The following RGPD2 variants were observed in gnomAD, a reference collection of about 807,000 sequenced individuals.
The protein encoded by RGPD2 is RANBP2 like and GRIP domain containing 2, also known as RANBP2-like and GRIP domain-containing protein 2.
RGPD2 carries 2 observed loss-of-function variants against 36.0 expected under a neutral mutation model. The ratio of observed to expected loss-of-function variants is 0.06; its 90% CI spans 0.02 to 0.17. The LOEUF (loss-of-function observed/expected upper bound fraction) is 0.17. RGPD2 is among the 10% of genes least tolerant of loss of function. RGPD2 has a pLI of 1.00. For synonymous variants in RGPD2, 19 were observed against 163.8 expected, an observed-to-expected ratio of 0.12 and a Z score of 6.75; for missense variants, 40 against 464.3, an observed-to-expected ratio of 0.09 and a Z score of 8.40.
At chr2:87,913,344 G>A in the RGPD2 span, among the ~76,000 whole-genome samples, 4 of 151,706 alleles carry the variant, frequency 2.6e-5, no homozygotes, top group Non-Finnish European at 5.9e-5. Context: ...ACTGAACAAT[G>A]AGAACACGTG....
At chr2:87,881,608 A>G in the RGPD2 span, among the ~76,000 whole-genome samples, 2 of 149,606 alleles carry the variant, frequency 1.3e-5, no homozygotes, top group African/African-American at 2.5e-5. Context: ...ATCACTATCA[A>G]TATTTTGGTC....
At chr2:87,878,950 T>C in the RGPD2 span, among the ~76,000 whole-genome samples, 1 of 152,210 alleles carries the variant, frequency 6.6e-6, no homozygotes, top group Non-Finnish European at 1.5e-5. Context: ...TTTACAATTA[T>C]ATGTAGTACT....
In RGPD2 at chr2:87,824,473, C is replaced by T. The variant is rs945313842; in HGVS notation, c.72+1185G>A. Among the ~76,000 whole-genome samples the T allele has an allele frequency of 1.9e-3, 287 of 152,072 alleles. 1 individual carries two copies. The highest frequency in any genetic ancestry group is 3.4e-3 in the Middle Eastern group (1 of 294). On this transcript the variant is annotated intron_variant, in intron 1 of 22. Coordinates refer to ENST00000398146, the MANE Select transcript of RGPD2 (RefSeq NM_001078170.3). ...GCCTCTGCCAAACTGGGGGAGAATA[C>T]TAACCTCTTTATATTCTTCACAGCC...
chr2:87,905,331 A>G, the RGPD2 span, among the ~76,000 whole-genome samples: 1 of 152,246 alleles, frequency 6.6e-6, no homozygotes, highest in African/African-American at 2.4e-5. Context: ...ACTAACTTTG[A>G]AATAGAGAAT....
At chr2:87,877,890 G>A in the RGPD2 span, among the ~76,000 whole-genome samples, 5 of 149,972 alleles carry the variant, frequency 3.3e-5, no homozygotes, top group Non-Finnish European at 5.9e-5. Flanking sequence ...TCTGCTGAGA[G>A]GTCCACTGTT....
At chr2:87,827,078 T>C (rs1244613460), upstream of RGPD2, among the ~76,000 whole-genome samples, 2 of 150,910 alleles carry the variant, frequency 1.3e-5, no homozygotes, top group Non-Finnish European at 3.0e-5. Context: ...TGTTCTCTCT[T>C]TCTCTCTCTC....
At chr2:87,976,275 AT>A in the RGPD2 span, among the ~76,000 whole-genome samples, 1 of 152,078 alleles carries the variant, frequency 6.6e-6, no homozygotes, top group African/African-American at 2.4e-5. Flanking sequence ...GGCATCTGCA[AT>A]TTTTTTAATT....
In RGPD2 at chr2:87,756,483, G is replaced by A; in HGVS notation, c.*909C>T. The A allele has an allele frequency of 3.5e-6, 1 of 283,368 alleles. No individual in the cohort carries two copies. The highest frequency in any genetic ancestry group is 4.6e-5 in the Admixed American group (1 of 21,652). The allele number at this position is 283,368 out of a possible 1,614,324, so 17.6% of individuals were successfully genotyped here. On this transcript the variant is annotated 3_prime_UTR_variant, in exon 23 of 23. Coordinates refer to ENST00000398146, the MANE Select transcript of RGPD2 (RefSeq NM_001078170.3). ...TCATTAAGTGATCTCATTTTATATT[G>A]TTTACTTGAATATTTCCTGTAACCC...
the RGPD2 span, among the ~76,000 whole-genome samples, chr2:87,915,170 TA>T: frequency 1.3e-5 from 2 of 151,152 alleles, no homozygotes; most frequent in Admixed American, 6.6e-5. Context: ...ATAAACTAAA[TA>T]AAAAGGAAAC....
At chr2:87,921,324 C>A in the RGPD2 span, among the ~76,000 whole-genome samples, 4 of 152,090 alleles carry the variant, frequency 2.6e-5, no homozygotes, top group Non-Finnish European at 5.9e-5. Context: ...TTTCTAGAGC[C>A]GGTCCCTGGA....
At chr2:87,769,347 T>C (rs1198201236) in intron 22 of RGPD2, among the ~76,000 whole-genome samples, 1 of 152,104 alleles carries the variant, frequency 6.6e-6, no homozygotes, top group Non-Finnish European at 1.5e-5. Context: ...TGTAATAAGG[T>C]CTCTTTTATG....
At chr2:87,873,164 C>T in the RGPD2 span, among the ~76,000 whole-genome samples, 7 of 151,948 alleles carry the variant, frequency 4.6e-5, no homozygotes, top group African/African-American at 1.7e-4. Context: ...CTACAAAGGA[C>T]ATAATCTCAT....
chr2:87,813,977 GT>G (rs1237145823), intron 4 of RGPD2, among the ~76,000 whole-genome samples: 1 of 151,418 alleles, frequency 6.6e-6, no homozygotes, highest in African/African-American at 2.4e-5. Context: ...TATCTAACTT[GT>G]TACACTGCAA....
Position 87,825,710 on chromosome 2 carries a change from T to C in RGPD2, c.20A>G (p.Tyr7Cys), listed in dbSNP as rs531510913. 1.9e-6 allele frequency: 3 copies of C among 1,602,384 alleles called. No homozygotes were observed. Among genetic ancestry groups the C allele is most frequent in the African/African-American group, 2.7e-5 (2 of 74,778 alleles). The change falls in exon 1 of 23, where the codon TAC becomes TGC. Residue 7 changes from tyrosine (Y) to cysteine (C), a missense_variant. By Grantham distance (194) the Tyr-to-Cys change is radical. Transcript: ENST00000398146. ...CACCGAGGCGAGGTACCGCTCCCCGTAGGCTTTGCTGCGCCTCATCGCACC... is the reference window on the plus strand; with the variant it reads ...CACCGAGGCGAGGTACCGCTCCCCGCAGGCTTTGCTGCGCCTCATCGCACC... MRRSKAYGERYLASVQG... is the reference protein window; with the variant it reads MRRSKACGERYLASVQG...
At chr2:87,877,791 T>A in the RGPD2 span, among the ~76,000 whole-genome samples, 1 of 114,448 alleles carries the variant, frequency 8.7e-6, no homozygotes, top group East Asian at 2.5e-4. Context: ...GGCAACAGAG[T>A]GAGACTCCGT....
chr2:87,825,427 C>T (rs1260255821), intron 1 of RGPD2, among the ~76,000 whole-genome samples: 81 of 112,672 alleles, frequency 7.2e-4, no homozygotes, highest in Non-Finnish European at 1.1e-3. Context: ...GCCGCCGCCG[C>T]CGCCGCCGCC....
the RGPD2 span, among the ~76,000 whole-genome samples, chr2:87,874,965 A>G: frequency 2.6e-5 from 4 of 151,836 alleles, no homozygotes; most frequent in African/African-American, 9.7e-5. Flanking sequence ...TCCTCTTCAT[A>G]GCAATTGTGA....
chr2:87,986,253 A>G, the RGPD2 span, among the ~76,000 whole-genome samples: 31 of 150,416 alleles, frequency 2.1e-4, no homozygotes, highest in African/African-American at 7.6e-4. Flanking sequence ...CTCCTGCCTC[A>G]GCCACCAAGT....
chr2:87,886,952 T>A, the RGPD2 span, among the ~76,000 whole-genome samples: 2 of 151,748 alleles, frequency 1.3e-5, no homozygotes, highest in African/African-American at 4.8e-5. Context: ...ATATGCCTGA[T>A]GATTGACCCG....
Sources: allele counts gnomAD v4.1 joint callset (sites outside exome capture counted in the v4.1 genomes callset), GRCh38; gene constraint gnomAD v4.1.1; transcripts MANE v1.5; gene names NCBI Gene and HGNC (gene_info 2026-07-23, HGNC 2026-07-21).